The following ABCG5 variants were observed in gnomAD, a reference collection of about 807,000 sequenced individuals.
ABCG5 encodes ATP-binding cassette sub-family G member 5.
A neutral mutation model predicts 64.5 loss-of-function variants in ABCG5; 64 were observed. The ratio of observed to expected loss-of-function variants is 0.99; its 90% CI spans 0.81 to 1.22. ABCG5 has a LOEUF of 1.22. Ranked by LOEUF, ABCG5 falls within the 50% of genes most tolerant of loss-of-function variation. The probability of loss-of-function intolerance (pLI) is 0.00; values close to 1 mark genes in which losing one functional copy is unlikely to be tolerated. For synonymous variants in ABCG5, 385 were observed against 326.3 expected (o/e 1.18, Z -1.94); for missense variants, 908 against 829.5 (o/e 1.09, Z -1.16).
At position 43,826,414 on chromosome 2, in the gene ABCG5, T is replaced by C; in HGVS notation, c.742A>G (p.Thr248Ala). Residue 248 changes from threonine (T) to alanine (A), a missense_variant, in exon 6 of 13, where the codon ACC becomes GCC. Thr to Ala is a moderately conservative substitution (Grantham distance 58, BLOSUM62 0). Transcript: ENST00000405322. ...LARRNRIVVL[T>A]IHQPRSELFQ... ...AGCTCAGAACGGGGCTGGTGAATGGTGAGAACCACAATTCGGTTCCTGCGA... is the reference window on the plus strand; with the variant it reads ...AGCTCAGAACGGGGCTGGTGAATGGCGAGAACCACAATTCGGTTCCTGCGA... The C allele has an allele frequency of 6.2e-7, 1 of 1,614,018 alleles. No homozygotes were observed. Among genetic ancestry groups the C allele is most frequent in the Admixed American group, 1.7e-5 (1 of 60,002 alleles).
chr2:43,828,926 C>G (rs954264888), intron 4 of ABCG5, among the ~76,000 whole-genome samples: 2 of 151,906 alleles, frequency 1.3e-5, no homozygotes, highest in African/African-American at 4.8e-5. Flanking sequence ...GATGGCACCA[C>G]TGCACTCCAA....
Position 43,838,612 on chromosome 2 carries a change from C to T in ABCG5, c.68G>A (p.Ser23Asn). ...GGTGGCAGGAGCCCCCTCCAGGGAGCTCTGGGAGCCTCTGTTTACTTGGAG... is the reference window on the plus strand; with the variant it reads ...GGTGGCAGGAGCCCCCTCCAGGGAGTTCTGGGAGCCTCTGTTTACTTGGAG... ...MGLQVNRGSQ[S>N]SLEGAPATAP... The change falls in exon 1 of 13, where the codon AGC becomes AAC. Residue 23 changes from serine (S) to asparagine (N), a missense_variant. Physicochemically the swap from Ser to Asn is conservative, Grantham distance 46. Transcript: ENST00000405322. This position sits in a 1 kb window ranked among gnomAD's most constrained non-coding sequence, Gnocchi z 4.2. 1 of 1,612,604 alleles carries T rather than the reference C, an allele frequency of 6.2e-7. No individual in the cohort carries two copies. The highest frequency in any genetic ancestry group is 8.5e-7 in the Non-Finnish European group (1 of 1,179,652).
intron 4 of ABCG5, among the ~76,000 whole-genome samples, chr2:43,829,460 GC>G (rs1304591172): frequency 2.0e-5 from 3 of 152,132 alleles, no homozygotes; most frequent in Non-Finnish European, 4.4e-5. Flanking sequence ...TGTACTTAAA[GC>G]CTGTAACTCC....
intron 4 of ABCG5, chr2:43,828,449 A>G (rs1286431834): frequency 5.1e-6 from 2 of 388,552 alleles, no homozygotes; most frequent in Non-Finnish European, 9.5e-6. Flanking sequence ...CAGCTTGGGC[A>G]ACAAAGAGAG....
chr2:43,838,665 T>TTC lies in ABCG5; in HGVS notation c.14_15insGA (p.Ser6AsnfsTer3), dbSNP rs1668439476. 1 of 1,613,532 alleles carries TTC rather than the reference T, an allele frequency of 6.2e-7. No individual in the cohort carries two copies. On this transcript the variant is annotated frameshift_variant, in exon 1 of 13. Coordinates refer to ENST00000405322, the MANE Select transcript of ABCG5 (RefSeq NM_022436.3). LOFTEE classifies it high-confidence loss of function. The surrounding 1 kb of genome is among the most constrained non-coding windows in gnomAD (Gnocchi z 4.2). ...CCATGGACCCTCCGGGGGTCAAAGA[T>TTC]GAGAGGTCACCCATGGCCAACAGGC...
chr2:43,824,913 G>A lies in ABCG5; in HGVS notation c.880C>T (p.His294Tyr), dbSNP rs771137662. Residue 294 changes from histidine (H) to tyrosine (Y), a missense_variant, in exon 7 of 13, where the codon CAT (histidine) becomes TAT (tyrosine). Transcript: ENST00000405322. ...CTATAGAAGTCAAAAGGGTTTGAAT[G>A]TTCAGGACAAGGGTAACCGCAGTCA... Reference protein sequence around the residue: ...FNDCGYPCPEHSNPFDFYMDL... With the variant: ...FNDCGYPCPEYSNPFDFYMDL... The A allele has an allele frequency of 1.2e-6, 2 of 1,614,096 alleles. No homozygotes were observed. The highest frequency in any genetic ancestry group is 1.7e-6 in the Non-Finnish European group (2 of 1,179,976).
At chr2:43,827,059 T>C (rs1163991462) in intron 5 of ABCG5, among the ~76,000 whole-genome samples, 3 of 152,196 alleles carry the variant, frequency 2.0e-5, no homozygotes, top group African/African-American at 7.2e-5. Context: ...GCGCGGTGGC[T>C]CACGCCTGTA....
At chr2:43,824,453 A>G (rs756661544) in intron 7 of ABCG5, 21 bp from the exon 8 acceptor site, 3 of 1,612,266 alleles carry the variant, frequency 1.9e-6, no homozygotes, top group Middle Eastern at 1.6e-4. Flanking sequence ...TTCCCAAAAG[A>G]TGTCACCCAT....
chr2:43,809,658 A>G (rs771796704), downstream of ABCG5: 2 of 1,419,650 alleles, frequency 1.4e-6, no homozygotes, highest in East Asian at 2.3e-5. Context: ...GCCTCCTTGA[A>G]TTAGTAAAGT....
intron 6 of ABCG5, 149 bp downstream of exon 6, chr2:43,826,233 C>T (rs1418717872): frequency 2.8e-6 from 3 of 1,087,744 alleles, no homozygotes; most frequent in Non-Finnish European, 4.1e-6. Context: ...CTCCTGGCCT[C>T]AAGTGCTCCT....
At chr2:43,816,499 C>A (rs1666839642) in intron 11 of ABCG5, among the ~76,000 whole-genome samples, 2 of 152,178 alleles carry the variant, frequency 1.3e-5, no homozygotes, top group Admixed American at 6.5e-5. Context: ...AACCATAGAT[C>A]TGGATGTATT....
intron 7 of ABCG5, 162 bp downstream of exon 7, chr2:43,824,727 C>T: frequency 1.1e-6 from 1 of 923,188 alleles, no homozygotes; most frequent in Non-Finnish European, 1.3e-6. Context: ...ATAGTCATCT[C>T]TGGCAAGTTC....
In ABCG5 at chr2:43,822,481, C is replaced by G. The variant is rs1047084280; in HGVS notation, c.1463+316G>C. On this transcript the variant is annotated intron_variant, in intron 10 of 12. Transcript: ENST00000405322. The stretch of plus-strand genomic sequence containing the variant: ...GCTGCTTTCTCCCCTCCCCCAGGCC[C>G]CCCCCCATGCACCTGGGTCCTAGCT... The G allele has an allele frequency of 3.9e-5, 34 of 875,630 alleles. 2 individuals carry two copies. The highest frequency in any genetic ancestry group is 5.4e-5 in the South Asian group (1 of 18,670). 54.2% of individuals were successfully genotyped at this position (875,630 alleles called of 1,614,324 possible).
At position 43,838,321 on chromosome 2, in the gene ABCG5, T is replaced by C. The variant is rs1668412173; in HGVS notation, c.143+216A>G. The C allele has an allele frequency of 1.6e-6, 1 of 614,138 alleles. No homozygotes were observed. The highest frequency in any genetic ancestry group is 2.0e-5 in the South Asian group (1 of 50,038). The allele number at this position is 614,138 out of a possible 1,614,324, so 38.0% of individuals were successfully genotyped here. On this transcript the variant is annotated intron_variant, in intron 1 of 12. Transcript: ENST00000405322. The surrounding 1 kb of genome is among the most constrained non-coding windows in gnomAD (Gnocchi z 4.2). Reference sequence around the variant, plus strand: ...CAGGGCACTGCTGCCACTTTGTTTATGCCCAGGCCCTTCCCTGGGCAGGGG... The same window carrying C: ...CAGGGCACTGCTGCCACTTTGTTTACGCCCAGGCCCTTCCCTGGGCAGGGG...
Position 43,812,671 on chromosome 2 carries a change from A to G in ABCG5, c.*445T>C, listed in dbSNP as rs889829646. ...GCATTCTTACCCAATTCTGCATGAT[A>G]ACCTTGCTTCATCTAAACCCACAAC... On this transcript the variant is annotated 3_prime_UTR_variant, in exon 13 of 13. Transcript: ENST00000405322. The G allele has an allele frequency of 1.0e-5, 2 of 195,638 alleles. No homozygotes were observed. The highest frequency in any genetic ancestry group is 2.1e-5 in the Non-Finnish European group (2 of 94,590). The allele number at this position is 195,638 out of a possible 1,614,324, so 12.1% of individuals were successfully genotyped here. A position where few individuals can be genotyped will look rare whatever the true frequency, so the allele number is the denominator to read the frequency against.
intron 4 of ABCG5, among the ~76,000 whole-genome samples, chr2:43,828,747 C>T (rs940114032): frequency 3.9e-5 from 6 of 152,042 alleles, no homozygotes; most frequent in Admixed American, 1.3e-4. Flanking sequence ...GGGTGGATCA[C>T]TTGAGGTCAG....
At chr2:43,831,622 G>T in intron 4 of ABCG5, 147 bp downstream of exon 4, 1 of 785,292 alleles carries the variant, frequency 1.3e-6, no homozygotes, top group Non-Finnish European at 2.1e-6. Flanking sequence ...GCAGCACAGG[G>T]TGCACGGTGC....
chr2:43,827,020 T>G (rs1291055971), intron 5 of ABCG5, among the ~76,000 whole-genome samples: 2 of 152,214 alleles, frequency 1.3e-5, no homozygotes, highest in Non-Finnish European at 2.9e-5. Flanking sequence ...AGTAACTTAT[T>G]TCTTCCTAAA....
chr2:43,829,271 C>T (rs1409627968), intron 4 of ABCG5, among the ~76,000 whole-genome samples: 3 of 152,204 alleles, frequency 2.0e-5, no homozygotes, highest in Non-Finnish European at 4.4e-5. Context: ...CAAATAAGTG[C>T]TGGGGTCCCA....
Sources: allele counts gnomAD v4.1 joint callset (sites outside exome capture counted in the v4.1 genomes callset), GRCh38; gene constraint gnomAD v4.1.1; non-coding constraint Gnocchi (gnomAD v3.1); transcripts MANE v1.5; gene names NCBI Gene and HGNC (gene_info 2026-07-23, HGNC 2026-07-21).